LRRFIP2: variants seen among roughly 807,000 people sequenced by gnomAD.
LRRFIP2 encodes leucine-rich repeat flightless-interacting protein 2.
A neutral mutation model predicts 125.9 loss-of-function variants in LRRFIP2; 109 were observed. The observed-to-expected ratio is 0.87, with a 90% CI of 0.74 to 1.01. The LOEUF (loss-of-function observed/expected upper bound fraction) is 1.01. LRRFIP2 is among the 50% of genes least tolerant of loss of function. The pLI is 0.00. For missense variants in LRRFIP2, 850 were observed against 862.3 expected (o/e 0.99, Z 0.18); for synonymous variants, 291 against 293.1 (o/e 0.99, Z 0.07).
At chr3:37,080,344 C>T (rs1203996401) in intron 19 of LRRFIP2, among the ~76,000 whole-genome samples, 4 of 151,124 alleles carry the variant, frequency 2.6e-5, no homozygotes, top group Non-Finnish European at 5.9e-5. Context: ...TGCAGTGAGC[C>T]GAGATTGCGC....
chr3:37,085,673 C>G (rs1232345065), intron 18 of LRRFIP2, among the ~76,000 whole-genome samples: 2 of 151,778 alleles, frequency 1.3e-5, no homozygotes, highest in East Asian at 3.9e-4. Context: ...CCTCCACCTC[C>G]CGGGTTCACG....
Position 37,097,256 on chromosome 3 carries a change from T to C in LRRFIP2, c.874-596A>G, listed in dbSNP as rs1345934844. On this transcript the variant is annotated intron_variant, in intron 15 of 27. Transcript: ENST00000336686. ...TATGAGTAGGGCTCTCTCCCTACCA[T>C]GCCATACCCTGACCACCAGTCTCTA... Among the ~76,000 whole-genome samples, 7 of 151,408 alleles carry C rather than the reference T, an allele frequency of 4.6e-5. No homozygotes were observed. The South Asian group carries it at 1.3e-3, about 27-fold the overall frequency.
chr3:37,080,430 T>C (rs1457182760), intron 19 of LRRFIP2, among the ~76,000 whole-genome samples: 1 of 151,424 alleles, frequency 6.6e-6, no homozygotes, highest in East Asian at 1.9e-4. Context: ...AAAAAATAAA[T>C]AAAATAACAT....
At chr3:37,066,077 G>C (rs900001255) in intron 22 of LRRFIP2, 135 bp from the exon 23 acceptor site, 2 of 1,345,550 alleles carry the variant, frequency 1.5e-6, no homozygotes, top group African/African-American at 2.9e-5. Flanking sequence ...ATAGCTCTGT[G>C]TAAGAAATAG....
chr3:37,100,729 G>A (rs1228564149), intron 15 of LRRFIP2, among the ~76,000 whole-genome samples: 1 of 152,112 alleles, frequency 6.6e-6, no homozygotes, highest in East Asian at 1.9e-4. Flanking sequence ...GTTTTTAAGA[G>A]AACAGATGTA....
chr3:37,129,994 AAAAT>A (rs1405968033), intron 2 of LRRFIP2, among the ~76,000 whole-genome samples: 1 of 152,182 alleles, frequency 6.6e-6, no homozygotes, highest in African/African-American at 2.4e-5. Flanking sequence ...CGCTGTCTCA[AAAAT>A]AAATAAATAA....
chr3:37,064,534 C>G (rs1359734570), intron 23 of LRRFIP2: 1 of 147,616 alleles, frequency 6.8e-6, no homozygotes, highest in Non-Finnish European at 1.5e-5. Flanking sequence ...TTGCAGTGAA[C>G]TGAGATCGCG....
intron 1 of LRRFIP2, among the ~76,000 whole-genome samples, chr3:37,160,709 G>A (rs897219846): frequency 6.6e-6 from 1 of 151,668 alleles, no homozygotes; most frequent in Admixed American, 6.6e-5. Context: ...AACCCAGGAG[G>A]CAGAGGTTAC....
At chr3:37,089,445 C>A (rs2093299933) in intron 18 of LRRFIP2, among the ~76,000 whole-genome samples, 1 of 152,166 alleles carries the variant, frequency 6.6e-6, no homozygotes, top group South Asian at 2.1e-4. Flanking sequence ...ATGTCACAAG[C>A]AATGAGCCAA....
intron 17 of LRRFIP2, among the ~76,000 whole-genome samples, chr3:37,093,972 C>G (rs1223804688): frequency 1.3e-5 from 2 of 152,132 alleles, no homozygotes; most frequent in Non-Finnish European, 2.9e-5. Context: ...TCTGAAAAGC[C>G]TTTTGTTACC....
Position 37,053,274 on chromosome 3 carries a change from T to G in LRRFIP2, c.*577A>C, listed in dbSNP as rs538685228. The stretch of plus-strand genomic sequence containing the variant: ...CATATTTTTTTCTAACATTTTCTTA[T>G]ATAAATTTAAATATTTTACAAAAAA... On this transcript the variant is annotated 3_prime_UTR_variant, in exon 28 of 28. Coordinates refer to ENST00000336686, the MANE Select transcript of LRRFIP2 (RefSeq NM_006309.4). 2.0e-5 allele frequency: 3 copies of G among 152,978 alleles called. No individual in the cohort carries two copies. In the South Asian group the frequency reaches 6.2e-4, roughly 32 times the overall value. The allele number at this position is 152,978 out of a possible 1,614,324, so 9.5% of individuals were successfully genotyped here.
chr3:37,156,352 T>C (rs113047018), intron 1 of LRRFIP2, among the ~76,000 whole-genome samples: 4 of 150,974 alleles, frequency 2.6e-5, no homozygotes, highest in African/African-American at 7.3e-5. Flanking sequence ...TAATAAAATG[T>C]TGGGGAAAGA....
intron 23 of LRRFIP2, chr3:37,064,863 G>GA (rs1314251594): frequency 6.6e-6 from 1 of 152,088 alleles, no homozygotes; most frequent in Admixed American, 6.6e-5. Context: ...GCAGACGAGG[G>GA]AAAAAACAGC....
intron 1 of LRRFIP2, among the ~76,000 whole-genome samples, chr3:37,164,499 C>T (rs964594119): frequency 6.6e-6 from 1 of 152,076 alleles, no homozygotes; most frequent in African/African-American, 2.4e-5. Context: ...GGGCAGATCA[C>T]CTGAGGTCAG....
At chr3:37,077,279 G>A (rs141351654) in intron 19 of LRRFIP2, among the ~76,000 whole-genome samples, 40 of 152,276 alleles carry the variant, frequency 2.6e-4, no homozygotes, top group Admixed American at 7.8e-4. Context: ...AAACTTGAAT[G>A]TCTATTAATA....
rs1467779712 is a variant in LRRFIP2 at position 37,083,295 on chromosome 3, T to C, written c.1278+341A>G. Among the ~76,000 whole-genome samples, 7 of 152,294 alleles carry C rather than the reference T, an allele frequency of 4.6e-5. 1 individual carries two copies. The South Asian group carries it at 1.2e-3, about 27-fold the overall frequency. On this transcript the variant is annotated intron_variant, in intron 19 of 27. Transcript: ENST00000336686. ...AAATGAATCATCCTATTGAGAGTCT[T>C]TGGAGCTTTGCGGGAGTTCCAGTCA...
At chr3:37,121,747 A>G (rs902716258) in intron 4 of LRRFIP2, 56 bp from the exon 5 acceptor site, 1 of 1,523,490 alleles carries the variant, frequency 6.6e-7, no homozygotes. Context: ...GTTGTTTATC[A>G]GAACAACTGA....
chr3:37,109,489 C>T, intron 11 of LRRFIP2, 38 bp downstream of exon 11: 1 of 1,610,004 alleles, frequency 6.2e-7, no homozygotes, highest in Non-Finnish European at 8.5e-7. Flanking sequence ...ACATTGACCC[C>T]ACCAGCACTG....
At chr3:37,064,627 T>C (rs2089689917) in intron 23 of LRRFIP2, 1 of 148,392 alleles carries the variant, frequency 6.7e-6, no homozygotes, top group Non-Finnish European at 1.5e-5. Context: ...CATGGGTAGA[T>C]CTGCGGCTTG....
Sources: allele counts gnomAD v4.1 joint callset (sites outside exome capture counted in the v4.1 genomes callset), GRCh38; gene constraint gnomAD v4.1.1; transcripts MANE v1.5; gene names NCBI Gene and HGNC (gene_info 2026-07-23, HGNC 2026-07-21).